Variants in GID8 observed in about 807,000 individuals in gnomAD.
GID8 encodes the protein glucose-induced degradation protein 8 homolog.
Under a neutral mutation model 27.4 loss-of-function variants are expected in GID8, and 6 were observed. The observed-to-expected ratio is 0.22, with a 90% CI of 0.12 to 0.43. The LOEUF is 0.43. Among genes scored for constraint, GID8 ranks in the 20% least tolerant of loss-of-function variants. GID8 has a pLI of 1.00. For missense variants in GID8, 173 were observed against 287.6 expected, an observed-to-expected ratio of 0.60 and a Z score of 2.88; for synonymous variants, 112 against 109.0, an observed-to-expected ratio of 1.03 and a Z score of -0.17.
At chr20:62,944,387 C>G (rs1041392160) in intron 4 of GID8, among the ~76,000 whole-genome samples, 4 of 152,184 alleles carry the variant, frequency 2.6e-5, no homozygotes, top group African/African-American at 9.7e-5. Flanking sequence ...CCCGGGGGCT[C>G]TGTCCTCCCT....
rs755754590 is a variant in GID8, at chr20:62,943,530, G to C, written c.351G>C (p.Glu117Asp). The C allele has an allele frequency of 1.2e-6, 2 of 1,612,764 alleles. No homozygotes were observed. Among genetic ancestry groups the C allele is most frequent in the Non-Finnish European group, 1.7e-6 (2 of 1,180,030 alleles). ...TGATCGAGCTGATCCGCCAGCGGGAGACAGAGGCGGCGCTGGAGTTTGCAC... is the reference window on the plus strand; with the variant it reads ...TGATCGAGCTGATCCGCCAGCGGGACACAGAGGCGGCGCTGGAGTTTGCAC... ...QHLIELIRQRETEAALEFAQT... is the reference protein window; with the variant it reads ...QHLIELIRQRDTEAALEFAQT... The change falls in exon 4 of 5, where the codon GAG becomes GAC. Residue 117 changes from glutamate (E) to aspartate (D), a missense_variant. Coordinates refer to ENST00000266069, the MANE Select transcript of GID8 (RefSeq NM_017896.3). The surrounding 1 kb of genome is among the most constrained non-coding windows in gnomAD (Gnocchi z 4.7).
intron 1 of GID8, among the ~76,000 whole-genome samples, chr20:62,940,584 T>C (rs967862914): frequency 6.6e-6 from 1 of 151,982 alleles, no homozygotes; most frequent in African/African-American, 2.4e-5. Context: ...CTCCTGACCT[T>C]GTGATCCGCC....
In GID8 at chr20:62,943,745, G is replaced by C; in HGVS notation, c.513+53G>C. 7.1e-7 allele frequency: 1 copy of C among 1,399,770 alleles called. No individual in the cohort carries two copies. The highest frequency in any genetic ancestry group is 1.0e-6 in the Non-Finnish European group (1 of 991,272). The allele number at this position is 1,399,770 out of a possible 1,614,324, so 86.7% of individuals were successfully genotyped here. A position where few individuals can be genotyped will look rare whatever the true frequency, so the allele number is the denominator to read the frequency against. The stretch of plus-strand genomic sequence containing the variant: ...TCCATTCCCCATGTGCTCTGAGGGG[G>C]CTTCGTGACAACGCCAAGTGTGTGG... On this transcript the variant is annotated intron_variant, in intron 4 of 4. Transcript: ENST00000266069. This position sits in a 1 kb window ranked among gnomAD's most constrained non-coding sequence, Gnocchi z 4.7.
In GID8 at chr20:62,943,344, GT is replaced by G; in HGVS notation, c.316-145del. The G allele has an allele frequency of 1.0e-6, 1 of 957,246 alleles. No individual in the cohort carries two copies. Among genetic ancestry groups the G allele is most frequent in the Middle Eastern group, 3.4e-4 (1 of 2,970 alleles). 59.3% of individuals were successfully genotyped at this position (957,246 alleles called of 1,614,324 possible). A position where few individuals can be genotyped will look rare whatever the true frequency, so the allele number is the denominator to read the frequency against. On this transcript the variant is annotated intron_variant, in intron 3 of 4. Coordinates refer to ENST00000266069, the MANE Select transcript of GID8 (RefSeq NM_017896.3). This position sits in a 1 kb window ranked among gnomAD's most constrained non-coding sequence, Gnocchi z 4.7. ...TGCTCTTTTATGTAGTTCAGAAGCG[GT>G]TTTTTGTTTTAAAAATGCAAATTTG...
At chr20:62,938,884 C>T (rs932188553) in intron 1 of GID8, 1 of 152,094 alleles carries the variant, frequency 6.6e-6, no homozygotes, top group Non-Finnish European at 1.5e-5. Flanking sequence ...TGGCGGAGGT[C>T]GAAGTGGGCG....
intron 1 of GID8, among the ~76,000 whole-genome samples, chr20:62,939,424 C>T (rs1262224882): frequency 6.6e-6 from 1 of 151,650 alleles, no homozygotes; most frequent in African/African-American, 2.4e-5. Context: ...CAGCACCGCC[C>T]CCCCCGCCCC....
At position 62,946,705 on chromosome 20, in the gene GID8, G is replaced by A. The variant is rs970688432; in HGVS notation, c.*1793G>A. The A allele has an allele frequency of 1.3e-5, 2 of 152,204 alleles. No individual in the cohort carries two copies. Among genetic ancestry groups the A allele is most frequent in the Non-Finnish European group, 2.9e-5 (2 of 68,082 alleles). The allele number at this position is 152,204 out of a possible 1,614,324, so 9.4% of individuals were successfully genotyped here. ...CCTTCCAACTACCACTCTCCCAGATGTGACCCTTGCGATTATTTCCTCTGA... is the reference window on the plus strand; with the variant it reads ...CCTTCCAACTACCACTCTCCCAGATATGACCCTTGCGATTATTTCCTCTGA... On this transcript the variant is annotated 3_prime_UTR_variant, in exon 5 of 5. Transcript: ENST00000266069.
rs866234279 is a variant in GID8, at chr20:62,946,201, C to A, written c.*1289C>A. The A allele has an allele frequency of 2.8e-6, 1 of 360,424 alleles. No homozygotes were observed. The highest frequency in any genetic ancestry group is 2.2e-5 in the South Asian group (1 of 46,092). 22.3% of individuals were successfully genotyped at this position (360,424 alleles called of 1,614,324 possible). On this transcript the variant is annotated 3_prime_UTR_variant, in exon 5 of 5. Coordinates refer to ENST00000266069, the MANE Select transcript of GID8 (RefSeq NM_017896.3). ...GTCCTTTGGAGCCAGTGGAGCCTGC[C>A]GGCGCATCTGAGGGGCAGAATGCTG...
chr20:62,941,487 G>T lies in GID8; in HGVS notation c.-12-4G>T, dbSNP rs1407618826. The T allele has an allele frequency of 6.6e-7, 1 of 1,504,854 alleles. No individual in the cohort carries two copies. Among genetic ancestry groups the T allele is most frequent in the Admixed American group, 1.7e-5 (1 of 59,868 alleles). 93.2% of individuals were successfully genotyped at this position (1,504,854 alleles called of 1,614,324 possible). On this transcript the variant is annotated splice_region_variant and splice_polypyrimidine_tract_variant and intron_variant, in intron 1 of 4. Coordinates refer to ENST00000266069, the MANE Select transcript of GID8 (RefSeq NM_017896.3). ...CTCCCTCAGCTGTTATTTTTTTCCT[G>T]TAGAAATAAATCAGAATGAGTTATG...
At position 62,944,919 on chromosome 20, in the gene GID8, C is replaced by T. The variant is rs758768938; in HGVS notation, c.*7C>T. ...GATTGAGGAGCCCAAGTAGCGCCTG[C>T]GCTTGCGTGGTGGATCCAACACCAG... On this transcript the variant is annotated 3_prime_UTR_variant, in exon 5 of 5. Transcript: ENST00000266069. The T allele has an allele frequency of 1.5e-4, 236 of 1,606,098 alleles. 2 individuals carry two copies. The Admixed American group carries it at 3.6e-3, about 24-fold the overall frequency.
chr20:62,944,987 A>G lies in GID8; in HGVS notation c.*75A>G. On this transcript the variant is annotated 3_prime_UTR_variant, in exon 5 of 5. Coordinates refer to ENST00000266069, the MANE Select transcript of GID8 (RefSeq NM_017896.3). ...TGCCTCAGATCAGCCTGCGACTGCA[A>G]GATTCTTACTGCAGTAGAGAACTCT... 2 of 1,510,732 alleles carry G rather than the reference A, an allele frequency of 1.3e-6. No homozygotes were observed. Among genetic ancestry groups the G allele is most frequent in the South Asian group, 2.5e-5 (2 of 79,468 alleles). 93.6% of individuals were successfully genotyped at this position (1,510,732 alleles called of 1,614,324 possible). A position where few individuals can be genotyped will look rare whatever the true frequency, so the allele number is the denominator to read the frequency against.
rs1415502362 is a variant in GID8 at position 62,948,154 on chromosome 20, G to A, written c.*3242G>A. The stretch of plus-strand genomic sequence containing the variant: ...CCCATGGCTGGCGCAGCTGCCTGTT[G>A]CCGTCTGTCTTCAGTAACTGCTGCT... On this transcript the variant is annotated 3_prime_UTR_variant, in exon 5 of 5. Transcript: ENST00000266069. 1.3e-5 allele frequency: 2 copies of A among 152,228 alleles called. No individual in the cohort carries two copies. Among genetic ancestry groups the A allele is most frequent in the Admixed American group, 1.3e-4 (2 of 15,282 alleles). The allele number at this position is 152,228 out of a possible 1,614,324, so 9.4% of individuals were successfully genotyped here. A position where few individuals can be genotyped will look rare whatever the true frequency, so the allele number is the denominator to read the frequency against.
intron 4 of GID8, among the ~76,000 whole-genome samples, chr20:62,944,442 G>A (rs2065456828): frequency 6.6e-6 from 1 of 152,128 alleles, no homozygotes; most frequent in South Asian, 2.1e-4. Flanking sequence ...CACTTGAGAT[G>A]TTTTCTTGAG....
In GID8 at chr20:62,943,836, C is replaced by CTT. The variant is rs11300197; in HGVS notation, c.513+159_513+160dup. 5,240 of 507,954 alleles carry CTT rather than the reference C, an allele frequency of 0.01. 1 individual carries two copies. Among genetic ancestry groups the CTT allele is most frequent in the Non-Finnish European group, 0.012 (3,412 of 286,904 alleles). 31.5% of individuals were successfully genotyped at this position (507,954 alleles called of 1,614,324 possible). A position where few individuals can be genotyped will look rare whatever the true frequency, so the allele number is the denominator to read the frequency against. ...GGGATGCTAAGTGGTTCCTTCATGG[C>CTT]TTTTTTTTTTTTTTTTGGAGGTGAA... On this transcript the variant is annotated intron_variant, in intron 4 of 4. Coordinates refer to ENST00000266069, the MANE Select transcript of GID8 (RefSeq NM_017896.3). The surrounding 1 kb of genome is among the most constrained non-coding windows in gnomAD (Gnocchi z 4.7).
intron 1 of GID8, among the ~76,000 whole-genome samples, 162 bp from the exon 2 acceptor site, chr20:62,941,329 G>A (rs1179028055): frequency 6.6e-6 from 1 of 152,214 alleles, no homozygotes; most frequent in African/African-American, 2.4e-5. Context: ...CTTATTCTTT[G>A]CTAAGCATTG....
At chr20:62,944,628 A>G in intron 4 of GID8, 111 bp from the exon 5 acceptor site, 1 of 754,104 alleles carries the variant, frequency 1.3e-6, no homozygotes, top group South Asian at 1.7e-5. Flanking sequence ...TCATGTCCTG[A>G]GAGTGTCTCG....
rs756966113 is a variant in GID8 at position 62,943,545 on chromosome 20, G to A, written c.366G>A (p.Leu122=). 13 of 1,613,156 alleles carry A rather than the reference G, an allele frequency of 8.1e-6. No individual in the cohort carries two copies. In the African/African-American group the frequency reaches 1.7e-4, roughly 22 times the overall value. Residue 122 remains leucine, a synonymous_variant, in exon 4 of 5, where the codon CTG becomes CTA. Coordinates refer to ENST00000266069, the MANE Select transcript of GID8 (RefSeq NM_017896.3). This position sits in a 1 kb window ranked among gnomAD's most constrained non-coding sequence, Gnocchi z 4.7. ...GCCAGCGGGAGACAGAGGCGGCGCTGGAGTTTGCACAGACTCAGCTGGCGG... is the reference window on the plus strand; with the variant it reads ...GCCAGCGGGAGACAGAGGCGGCGCTAGAGTTTGCACAGACTCAGCTGGCGG... ...LIRQRETEAA[L]EFAQTQLAEQ...
In GID8 at chr20:62,945,510, T is replaced by C. The variant is rs2065462519; in HGVS notation, c.*598T>C. 1 of 1,043,806 alleles carries C rather than the reference T, an allele frequency of 9.6e-7. No homozygotes were observed. Among genetic ancestry groups the C allele is most frequent in the African/African-American group, 1.7e-5 (1 of 58,220 alleles). 64.7% of individuals were successfully genotyped at this position (1,043,806 alleles called of 1,614,324 possible). On this transcript the variant is annotated 3_prime_UTR_variant, in exon 5 of 5. Coordinates refer to ENST00000266069, the MANE Select transcript of GID8 (RefSeq NM_017896.3). ...GGGATGCGTGTGAGGGGGCTATGTGTTTTTTAATTTTTTAAATATATATTT... is the reference window on the plus strand; with the variant it reads ...GGGATGCGTGTGAGGGGGCTATGTGCTTTTTAATTTTTTAAATATATATTT...
At chr20:62,942,650 G>A (rs1037871715) in intron 2 of GID8, among the ~76,000 whole-genome samples, 4 of 152,174 alleles carry the variant, frequency 2.6e-5, no homozygotes, top group African/African-American at 9.7e-5. Flanking sequence ...GCCTAACCTG[G>A]CACCAGAGCT....
Sources: allele counts gnomAD v4.1 joint callset (sites outside exome capture counted in the v4.1 genomes callset), GRCh38; gene constraint gnomAD v4.1.1; non-coding constraint Gnocchi (gnomAD v3.1); transcripts MANE v1.5; gene names NCBI Gene and HGNC (gene_info 2026-07-23, HGNC 2026-07-21).